Variants in DOCK10 observed in about 807,000 individuals in gnomAD.
DOCK10 encodes the protein dedicator of cytokinesis protein 10.
A neutral mutation model predicts 280.1 loss-of-function variants in DOCK10; 145 were observed. The observed-to-expected ratio is 0.52, with a 90% CI of 0.45 to 0.59. The LOEUF (loss-of-function observed/expected upper bound fraction) is 0.59, where lower values mean the gene tolerates loss of function less well. Ranked by LOEUF, DOCK10 falls within the 20% of genes least tolerant of loss-of-function variation. DOCK10 has a pLI of 0.00. For synonymous variants in DOCK10, 915 were observed against 942.2 expected, an observed-to-expected ratio of 0.97 and a Z score of 0.53; for missense variants, 2,368 against 2,651.7, an observed-to-expected ratio of 0.89 and a Z score of 2.35.
At chr2:224,962,797 T>C (rs1704524460) in intron 1 of DOCK10, among the ~76,000 whole-genome samples, 1 of 152,236 alleles carries the variant, frequency 6.6e-6, no homozygotes, top group African/African-American at 2.4e-5. Context: ...ATTGCAGACA[T>C]TATAGTTCTC....
At chr2:224,779,153 C>T (rs1691106996) in intron 50 of DOCK10, among the ~76,000 whole-genome samples, 1 of 151,830 alleles carries the variant, frequency 6.6e-6, no homozygotes, top group South Asian at 2.1e-4. Context: ...AGCATATTTC[C>T]TGTGGAATAC....
At chr2:225,035,359 G>A (rs575543247) in intron 1 of DOCK10, among the ~76,000 whole-genome samples, 4 of 151,398 alleles carry the variant, frequency 2.6e-5, no homozygotes, top group Admixed American at 2.0e-4. Flanking sequence ...CATTCTTACC[G>A]CATTCAAGCA....
Position 225,042,431 on chromosome 2 carries a change from C to T in DOCK10, c.-57G>A. ...GGGCGCGCCTCCCGCCGGTCTTCCC[C>T]GCGCCAACCTTCTCTATCCACCCGC... On this transcript the variant is annotated 5_prime_UTR_variant, in exon 1 of 56. Coordinates refer to ENST00000258390, the MANE Select transcript of DOCK10 (RefSeq NM_014689.3). The surrounding 1 kb of genome is among the most constrained non-coding windows in gnomAD (Gnocchi z 5.1). The T allele has an allele frequency of 1.6e-6, 2 of 1,228,290 alleles. No individual in the cohort carries two copies. Among genetic ancestry groups the T allele is most frequent in the South Asian group, 3.7e-5 (1 of 27,172 alleles). 76.1% of individuals were successfully genotyped at this position (1,228,290 alleles called of 1,614,324 possible).
chr2:224,837,635 T>C, intron 25 of DOCK10, 127 bp downstream of exon 25: 1 of 708,832 alleles, frequency 1.4e-6, no homozygotes, highest in Non-Finnish European at 2.5e-6. Flanking sequence ...TAAGGCAAAT[T>C]CCTGATATTA....
Position 224,874,314 on chromosome 2 carries a change from A to G in DOCK10, c.1053T>C (p.Thr351=). The change falls in exon 10 of 56, where the codon ACT becomes ACC. Residue 351 remains threonine (T), a synonymous_variant. Transcript: ENST00000258390. The part of the protein sequence containing the change: ...LTETEDTVKT[T]RNMERLNLFS... ...ACAGATTTAGCCTCTCCATGTTTCG[A>G]GTTGTTTTTACAGTATCTTCTGTTT... 1.2e-6 allele frequency: 2 copies of G among 1,613,144 alleles called. No homozygotes were observed. The highest frequency in any genetic ancestry group is 1.7e-6 in the Non-Finnish European group (2 of 1,179,592).
At chr2:224,929,518 G>A (rs1200414991) in intron 2 of DOCK10, among the ~76,000 whole-genome samples, 1 of 152,154 alleles carries the variant, frequency 6.6e-6, no homozygotes, top group African/African-American at 2.4e-5. Context: ...AATGGGCAAG[G>A]ACCACATCTC....
chr2:224,852,521 AG>A, intron 17 of DOCK10, 79 bp from the exon 18 acceptor site: 1 of 1,105,294 alleles, frequency 9.0e-7, no homozygotes. Context: ...TAAAATAAGT[AG>A]CTTCTAATTA....
At position 224,810,718 on chromosome 2, in the gene DOCK10, A is replaced by G. The variant is rs572955611; in HGVS notation, c.3410-2632T>C. ...TCTCATTGTTCAATTTCCACCTATG[A>G]GTGAGAACATGCAGTGTTTGGTTTT... On this transcript the variant is annotated intron_variant, in intron 31 of 55. Transcript: ENST00000258390. 1.8e-3 allele frequency among the ~76,000 whole-genome samples: 261 copies of G among 142,560 alleles called. 2 individuals carry two copies. The Middle Eastern group carries it at 0.032, about 18-fold the overall frequency. The allele number at this position is 142,560 out of a possible 152,430, so 93.5% of individuals were successfully genotyped here. A position where few individuals can be genotyped will look rare whatever the true frequency, so the allele number is the denominator to read the frequency against.
chr2:224,914,943 G>C (rs1701229295), intron 3 of DOCK10, among the ~76,000 whole-genome samples: 2 of 152,070 alleles, frequency 1.3e-5, no homozygotes, highest in Admixed American at 6.5e-5. Context: ...AAAAATATCA[G>C]TAATTAACAG....
At chr2:224,843,441 T>G (rs1023203616) in intron 22 of DOCK10, among the ~76,000 whole-genome samples, 1 of 152,008 alleles carries the variant, frequency 6.6e-6, no homozygotes, top group Admixed American at 6.6e-5. Flanking sequence ...TGGTGGAGAT[T>G]GAGTGTTTTG....
intron 4 of DOCK10, among the ~76,000 whole-genome samples, chr2:224,895,961 A>C (rs1003183111): frequency 6.6e-6 from 1 of 152,100 alleles, no homozygotes; most frequent in Non-Finnish European, 1.5e-5. Flanking sequence ...GAATATTGTC[A>C]GAAAAACTAT....
chr2:224,862,545 G>A, intron 14 of DOCK10, 119 bp downstream of exon 14: 1 of 734,578 alleles, frequency 1.4e-6, no homozygotes, highest in Non-Finnish European at 2.4e-6. Flanking sequence ...GACCATATTA[G>A]GATTTTCTAG....
chr2:224,967,204 C>T (rs1010817318), intron 1 of DOCK10, among the ~76,000 whole-genome samples: 5 of 152,126 alleles, frequency 3.3e-5, no homozygotes, highest in East Asian at 1.9e-4. Context: ...CTCAGCCTCC[C>T]GAGTAGTTGG....
intron 3 of DOCK10, 101 bp downstream of exon 3, chr2:224,916,594 C>A: frequency 7.6e-4 from 404 of 531,190 alleles, no homozygotes; most frequent in East Asian, 1.4e-3. Flanking sequence ...TTGGAATTAT[C>A]TATTGAAAAT....
chr2:225,000,442 T>A (rs1387131646), intron 1 of DOCK10, among the ~76,000 whole-genome samples: 1 of 152,164 alleles, frequency 6.6e-6, no homozygotes, highest in African/African-American at 2.4e-5. Context: ...GAAAGTTGAG[T>A]TCTCTAGCAA....
At chr2:225,000,585 T>C (rs746572279) in intron 1 of DOCK10, among the ~76,000 whole-genome samples, 6 of 152,094 alleles carry the variant, frequency 3.9e-5, no homozygotes, top group African/African-American at 7.2e-5. Flanking sequence ...ACGCCAACAG[T>C]AGGGCGGGAA....
chr2:224,971,286 G>A (rs1705066005), intron 1 of DOCK10, among the ~76,000 whole-genome samples: 1 of 152,130 alleles, frequency 6.6e-6, no homozygotes, highest in South Asian at 2.1e-4. Context: ...GCAGGAAGGT[G>A]CAGTGGGAAG....
rs776371353 is a variant in DOCK10, at chr2:224,796,375, G to A, written c.4879C>T (p.Arg1627Trp). 7.0e-6 allele frequency: 11 copies of A among 1,573,988 alleles called. No individual in the cohort carries two copies. Among genetic ancestry groups the A allele is most frequent in the East Asian group, 2.3e-5 (1 of 43,246 alleles). ...LIADAGIGGS[R>W]FQHSLAITNN... is the part of the protein sequence containing the mutation. ...GTAATTGCAAGCGAATGTTGAAACCGAGAGCCTCCAATCCCAGCATCGGCT... is the reference window on the plus strand; with the variant it reads ...GTAATTGCAAGCGAATGTTGAAACCAAGAGCCTCCAATCCCAGCATCGGCT... The change falls in exon 44 of 56, where the codon CGG (arginine) becomes TGG (tryptophan). Residue 1627 changes from arginine to tryptophan, a missense_variant. By Grantham distance (101) the Arg-to-Trp change is moderately radical (BLOSUM62 -3). Transcript: ENST00000258390.
chr2:224,870,814 CATTTTTT>C (rs1698225444), intron 11 of DOCK10, among the ~76,000 whole-genome samples: 1 of 106,478 alleles, frequency 9.4e-6, no homozygotes, highest in African/African-American at 5.6e-5. Flanking sequence ...ATGGCCACTC[CATTTTTT>C]TTTTTTTTTT....
Sources: allele counts gnomAD v4.1 joint callset (sites outside exome capture counted in the v4.1 genomes callset), GRCh38; gene constraint gnomAD v4.1.1; non-coding constraint Gnocchi (gnomAD v3.1); transcripts MANE v1.5; gene names NCBI Gene and HGNC (gene_info 2026-07-23, HGNC 2026-07-21).